SPIRE1: variants seen among roughly 807,000 people sequenced by gnomAD.
SPIRE1 encodes the protein protein spire homolog 1.
SPIRE1 carries 40 observed loss-of-function variants against 94.1 expected under a neutral mutation model. The ratio of observed to expected loss-of-function variants is 0.43; its 90% CI spans 0.33 to 0.55. The LOEUF (loss-of-function observed/expected upper bound fraction) is 0.55. Ranked by LOEUF, SPIRE1 falls within the 20% of genes least tolerant of loss-of-function variation. The probability of loss-of-function intolerance (pLI) is 0.06; values close to 1 mark genes in which losing one functional copy is unlikely to be tolerated. For synonymous variants in SPIRE1, 376 were observed against 371.7 expected, an observed-to-expected ratio of 1.01 and a Z score of -0.13; for missense variants, 838 against 975.2, an observed-to-expected ratio of 0.86 and a Z score of 1.87.
At chr18:12,633,332 T>A (rs60689649) in intron 2 of SPIRE1, among the ~76,000 whole-genome samples, 3,229 of 152,332 alleles carry the variant, frequency 0.021, 118 homozygotes, top group African/African-American at 0.07. Flanking sequence ...CCGGGCACAG[T>A]GGCTCACGCC....
intron 2 of SPIRE1, among the ~76,000 whole-genome samples, chr18:12,627,152 C>A (rs750049686): frequency 6.6e-6 from 1 of 151,882 alleles, no homozygotes; most frequent in Non-Finnish European, 1.5e-5. Flanking sequence ...TATACATGTG[C>A]CATGTTGGTT....
chr18:12,546,653 C>T lies in SPIRE1; in HGVS notation c.603+21G>A, dbSNP rs1271047197. 3.2e-6 allele frequency: 5 copies of T among 1,540,528 alleles called. No homozygotes were observed. The East Asian group carries it at 9.0e-5, about 28-fold the overall frequency. On this transcript the variant is annotated intron_variant, in intron 3 of 16. Coordinates refer to ENST00000409402, the MANE Select transcript of SPIRE1 (RefSeq NM_001128626.2). ...TAACAACTCTTGAAAAAAACAAGTACTGCATAAAACGCTGCCTTACCTTCA... is the reference window on the plus strand; with the variant it reads ...TAACAACTCTTGAAAAAAACAAGTATTGCATAAAACGCTGCCTTACCTTCA...
intron 4 of SPIRE1, among the ~76,000 whole-genome samples, chr18:12,530,200 G>A (rs1598440248): frequency 6.6e-6 from 1 of 152,098 alleles, no homozygotes; most frequent in East Asian, 1.9e-4. Flanking sequence ...AATTCTACCA[G>A]GAATGCACTT....
At chr18:12,605,025 A>G (rs943552110) in intron 2 of SPIRE1, among the ~76,000 whole-genome samples, 4 of 152,212 alleles carry the variant, frequency 2.6e-5, no homozygotes, top group African/African-American at 9.6e-5. Flanking sequence ...TTCCACTTCT[A>G]TGAGTAACTG....
At chr18:12,482,286 G>A (rs761200556) in intron 9 of SPIRE1, among the ~76,000 whole-genome samples, 3 of 152,150 alleles carry the variant, frequency 2.0e-5, no homozygotes, top group Non-Finnish European at 4.4e-5. Context: ...GGGACTACAG[G>A]CATGTGCCAC....
chr18:12,508,533 C>T (rs188173606), intron 5 of SPIRE1, among the ~76,000 whole-genome samples: 29 of 152,328 alleles, frequency 1.9e-4, no homozygotes, highest in Middle Eastern at 3.4e-3. Flanking sequence ...CCACATTTCT[C>T]TTATTCATTC....
Position 12,654,443 on chromosome 18 carries a change from G to C in SPIRE1, c.337+3087C>G, listed in dbSNP as rs371620739. On this transcript the variant is annotated intron_variant, in intron 1 of 16. Coordinates refer to ENST00000409402, the MANE Select transcript of SPIRE1 (RefSeq NM_001128626.2). ...GGGCGGATCACGAGGTCAGGAGATC[G>C]AGACCATCCTGGCTAACATGGTGAA... 2.2e-3 allele frequency among the ~76,000 whole-genome samples: 313 copies of C among 144,496 alleles called. 1 individual carries two copies. The highest frequency in any genetic ancestry group is 7.4e-3 in the African/African-American group (286 of 38,906). The allele number at this position is 144,496 out of a possible 152,430, so 94.8% of individuals were successfully genotyped here. A position where few individuals can be genotyped will look rare whatever the true frequency, so the allele number is the denominator to read the frequency against.
intron 4 of SPIRE1, among the ~76,000 whole-genome samples, chr18:12,531,020 C>T (rs2034665943): frequency 6.6e-6 from 1 of 152,200 alleles, no homozygotes; most frequent in South Asian, 2.1e-4. Flanking sequence ...CAGTCTTTGA[C>T]ACTTCTATGA....
At chr18:12,597,453 A>G (rs919216835) in intron 2 of SPIRE1, among the ~76,000 whole-genome samples, 1 of 152,162 alleles carries the variant, frequency 6.6e-6, no homozygotes, top group African/African-American at 2.4e-5. Flanking sequence ...TATGAGCCAG[A>G]ACAGCTTTCC....
At chr18:12,496,267 G>A (rs545043839) in intron 6 of SPIRE1, among the ~76,000 whole-genome samples, 165 bp from the exon 7 acceptor site, 1 of 152,240 alleles carries the variant, frequency 6.6e-6, no homozygotes, top group African/African-American at 2.4e-5. Context: ...GTGATTCAGA[G>A]GAAAGACTGT....
chr18:12,529,502 C>T (rs1346382256), intron 4 of SPIRE1, among the ~76,000 whole-genome samples: 1 of 152,040 alleles, frequency 6.6e-6, no homozygotes, highest in Admixed American at 6.6e-5. Context: ...GAAGACAACA[C>T]TTATAAGAAG....
chr18:12,576,348 G>A (rs62097102), intron 2 of SPIRE1, among the ~76,000 whole-genome samples: 53,377 of 151,434 alleles, frequency 0.35, 10,638 homozygotes, highest in East Asian at 0.58. Flanking sequence ...CTGTAATCCT[G>A]ACACTTTGGG....
At chr18:12,550,360 T>C (rs1326587876) in intron 2 of SPIRE1, among the ~76,000 whole-genome samples, 2 of 152,062 alleles carry the variant, frequency 1.3e-5, no homozygotes, top group Non-Finnish European at 2.9e-5. Context: ...AAGGCAGCAG[T>C]TTATGTAGTA....
intron 2 of SPIRE1, among the ~76,000 whole-genome samples, chr18:12,555,152 C>T (rs1471328664): frequency 2.6e-5 from 4 of 152,074 alleles, no homozygotes; most frequent in East Asian, 1.9e-4. Context: ...TGAGACTGAT[C>T]TCCCATCTCC....
intron 7 of SPIRE1, among the ~76,000 whole-genome samples, chr18:12,494,703 G>A (rs2033379559): frequency 6.6e-6 from 1 of 151,368 alleles, no homozygotes; most frequent in South Asian, 2.1e-4. Context: ...GCCGGGCATG[G>A]TGGCAGGCGC....
At chr18:12,654,418 G>T (rs537356327) in intron 1 of SPIRE1, among the ~76,000 whole-genome samples, 41 of 148,770 alleles carry the variant, frequency 2.8e-4, no homozygotes, top group Middle Eastern at 3.7e-3. Context: ...AGGCCGAGAC[G>T]GGCGGATCAC....
chr18:12,502,864 T>C (rs1229999023), intron 6 of SPIRE1, among the ~76,000 whole-genome samples: 1 of 151,956 alleles, frequency 6.6e-6, no homozygotes, highest in Non-Finnish European at 1.5e-5. Context: ...TCCCAGCAGT[T>C]TGGGAGGCTG....
upstream of SPIRE1, chr18:12,658,729 A>G: frequency 2.5e-6 from 1 of 407,792 alleles, no homozygotes; most frequent in South Asian, 1.7e-5. Flanking sequence ...GCGTTTTCCG[A>G]TTTCTTGCTG....
chr18:12,639,622 C>T, intron 1 of SPIRE1, among the ~76,000 whole-genome samples: 1 of 152,060 alleles, frequency 6.6e-6, no homozygotes, highest in Admixed American at 6.6e-5. Context: ...ATCCCAGCTA[C>T]ACGGGAGACT....
Sources: gnomAD v4.1 joint callset for allele counts (sites outside exome capture counted in the v4.1 genomes callset) on GRCh38, gnomAD v4.1.1 for gene constraint, MANE v1.5 for transcripts, NCBI Gene and HGNC (gene_info 2026-07-23, HGNC 2026-07-21) for gene names.